WWC2: variants seen among roughly 807,000 people sequenced by gnomAD.
The protein encoded by WWC2 is protein WWC2.
A neutral mutation model predicts 138.5 loss-of-function variants in WWC2; 101 were observed. The observed-to-expected ratio is 0.73, with a 90% CI of 0.62 to 0.86. WWC2 has a LOEUF of 0.86. Among genes scored for constraint, WWC2 ranks in the 40% least tolerant of loss-of-function variants. The probability of loss-of-function intolerance (pLI) is 0.00; values close to 1 mark genes in which losing one functional copy is unlikely to be tolerated. For synonymous variants in WWC2, 558 were observed against 538.4 expected, an observed-to-expected ratio of 1.04 and a Z score of -0.50; for missense variants, 1,420 against 1,419.4, an observed-to-expected ratio of 1.00 and a Z score of -0.01.
chr4:183,099,577 T>C lies in WWC2; in HGVS notation c.86T>C (p.Ile29Thr), dbSNP rs1379089835. The C allele has an allele frequency of 7.8e-6, 11 of 1,410,826 alleles. No homozygotes were observed. The highest frequency in any genetic ancestry group is 7.3e-5 in the South Asian group (5 of 68,740). 87.4% of individuals were successfully genotyped at this position (1,410,826 alleles called of 1,614,324 possible). A position where few individuals can be genotyped will look rare whatever the true frequency, so the allele number is the denominator to read the frequency against. ...GACTACGACGGCAAGGTCTTCTACA[T>C]TGACCACAACACCAGGAGGACCAGC... ...ARDYDGKVFYIDHNTRRTSWI... is the reference protein window; with the variant it reads ...ARDYDGKVFYTDHNTRRTSWI... Residue 29 changes from isoleucine to threonine, a missense_variant, in exon 1 of 23, where the codon ATT (isoleucine) becomes ACT (threonine). Coordinates refer to ENST00000403733, the MANE Select transcript of WWC2 (RefSeq NM_024949.6).
At chr4:183,294,585 A>G (rs1181502776) in intron 21 of WWC2, among the ~76,000 whole-genome samples, 1 of 152,252 alleles carries the variant, frequency 6.6e-6, no homozygotes, top group African/African-American at 2.4e-5. Context: ...TGGCAGTAGT[A>G]TAAGTGACCA....
At chr4:183,187,742 G>A (rs889788198) in intron 1 of WWC2, among the ~76,000 whole-genome samples, 3 of 150,148 alleles carry the variant, frequency 2.0e-5, no homozygotes, top group African/African-American at 7.4e-5. Context: ...GCGTGGTAGC[G>A]CATACCTGTA....
At chr4:183,314,083 C>A (rs902613623) in intron 22 of WWC2, among the ~76,000 whole-genome samples, 2 of 151,960 alleles carry the variant, frequency 1.3e-5, no homozygotes, top group East Asian at 3.9e-4. Context: ...TGGTACCAAG[C>A]GGGAGGGCAG....
At chr4:183,247,687 CTATATACTA>C (rs1016872141) in intron 6 of WWC2, among the ~76,000 whole-genome samples, 5 of 125,788 alleles carry the variant, frequency 4.0e-5, no homozygotes, top group Admixed American at 3.2e-4. Context: ...GTACTATATT[CTATATACTA>C]TATATACTAT....
chr4:183,225,293 T>G (rs1736039273), intron 4 of WWC2, among the ~76,000 whole-genome samples: 1 of 152,216 alleles, frequency 6.6e-6, no homozygotes, highest in Non-Finnish European at 1.5e-5. Flanking sequence ...TCAATGGAAC[T>G]GAACATCCAC....
intron 21 of WWC2, among the ~76,000 whole-genome samples, chr4:183,293,682 T>C (rs1199154316): frequency 6.6e-6 from 1 of 152,158 alleles, no homozygotes; most frequent in Non-Finnish European, 1.5e-5. Flanking sequence ...ACAGGTGACA[T>C]TGCATGCATT....
Position 183,131,328 on chromosome 4 carries a change from A to G in WWC2, c.131+31706A>G, listed in dbSNP as rs1391599646. Among the ~76,000 whole-genome samples the G allele has an allele frequency of 4.6e-5, 7 of 152,150 alleles. No homozygotes were observed. In the South Asian group the frequency reaches 1.0e-3, roughly 23 times the overall value. On this transcript the variant is annotated intron_variant, in intron 1 of 22. Transcript: ENST00000403733. ...AATCTTCATGACTTTCTGTTGGGCA[A>G]AGAGTTCTTAGACATGATACCAAAG...
At chr4:183,258,531 A>G (rs2111351929) in intron 9 of WWC2, among the ~76,000 whole-genome samples, 1 of 152,354 alleles carries the variant, frequency 6.6e-6, no homozygotes, top group East Asian at 1.9e-4. Flanking sequence ...ATTTTTCTCC[A>G]AAGAAAAGTG....
At chr4:183,306,068 T>G (rs1290979039) in intron 21 of WWC2, among the ~76,000 whole-genome samples, 1 of 152,132 alleles carries the variant, frequency 6.6e-6, no homozygotes. Context: ...TGGAAGTGGA[T>G]TTGGATAGTA....
At chr4:183,248,538 G>A (rs1474006076) in intron 6 of WWC2, among the ~76,000 whole-genome samples, 176 bp from the exon 7 acceptor site, 1 of 152,088 alleles carries the variant, frequency 6.6e-6, no homozygotes, top group Non-Finnish European at 1.5e-5. Flanking sequence ...CATGTATGGA[G>A]GTGCAAAATT....
intron 1 of WWC2, among the ~76,000 whole-genome samples, chr4:183,133,899 ATATT>A (rs1425897846): frequency 6.6e-6 from 1 of 152,130 alleles, no homozygotes; most frequent in Non-Finnish European, 1.5e-5. Flanking sequence ...TGTTGGTGTA[ATATT>A]TATTTCTTGA....
At chr4:183,177,691 C>G (rs147640000) in intron 1 of WWC2, among the ~76,000 whole-genome samples, 184 of 152,056 alleles carry the variant, frequency 1.2e-3, no homozygotes, top group African/African-American at 4.2e-3. Context: ...TGAACATGGG[C>G]ATATATTTTT....
At chr4:183,200,226 AAGTGTCAGTC>A (rs557000859) in intron 2 of WWC2, among the ~76,000 whole-genome samples, 3,093 of 19,564 alleles carry the variant, frequency 0.16, 101 homozygotes, top group Middle Eastern at 0.19. Flanking sequence ...TTATTCATTT[AAGTGTCAGTC>A]AGTGTTTCGT....
intron 1 of WWC2, among the ~76,000 whole-genome samples, chr4:183,192,117 A>C (rs931641798): frequency 6.6e-6 from 1 of 152,190 alleles, no homozygotes; most frequent in Admixed American, 6.5e-5. Flanking sequence ...GTGCTGCCTG[A>C]CTTGATTCCT....
chr4:183,259,807 T>TA (rs1398949214), intron 10 of WWC2, 79 bp downstream of exon 10: 8 of 964,616 alleles, frequency 8.3e-6, no homozygotes, highest in Non-Finnish European at 1.1e-5. Flanking sequence ...CTTTTCACTT[T>TA]ATTTCCAACT....
At position 183,127,782 on chromosome 4, in the gene WWC2, A is replaced by G. The variant is rs143909293; in HGVS notation, c.131+28160A>G. Among the ~76,000 whole-genome samples, 576 of 152,318 alleles carry G rather than the reference A, an allele frequency of 3.8e-3. 2 individuals carry two copies. Among genetic ancestry groups the G allele is most frequent in the Non-Finnish European group, 6.7e-3 (459 of 68,028 alleles). On this transcript the variant is annotated intron_variant, in intron 1 of 22. Coordinates refer to ENST00000403733, the MANE Select transcript of WWC2 (RefSeq NM_024949.6). ...ATTTTTTAATTGAAAACATGAAACT[A>G]TAAAAATCCATAAAATCTAAATTGA...
In WWC2 at chr4:183,280,229, GTTTTTTTTTTTTT is replaced by G. The variant is rs869235261; in HGVS notation, c.2563-534_2563-522del. On this transcript the variant is annotated intron_variant, in intron 16 of 22. Transcript: ENST00000403733. ...TTACTATTTTAGCCTGATAGCAGCT[GTTTTTTTTTTTTT>G]TTTTTTTTTTTTGCTTTGTTTCTCA... Among the ~76,000 whole-genome samples the G allele has an allele frequency of 7.6e-5, 5 of 65,430 alleles. No individual in the cohort carries two copies. In the South Asian group the frequency reaches 2.5e-3, roughly 33 times the overall value. 42.9% of individuals were successfully genotyped at this position (65,430 alleles called of 152,430 possible).
intron 16 of WWC2, among the ~76,000 whole-genome samples, chr4:183,278,427 G>T (rs575444242): frequency 6.6e-6 from 1 of 152,218 alleles, no homozygotes; most frequent in Non-Finnish European, 1.5e-5. Flanking sequence ...CTCCAGCTTT[G>T]TTCTTTTGGC....
chr4:183,253,384 G>A (rs764461261), intron 8 of WWC2, among the ~76,000 whole-genome samples: 5 of 152,130 alleles, frequency 3.3e-5, no homozygotes, highest in Non-Finnish European at 7.3e-5. Flanking sequence ...GAACCCCCCA[G>A]GCATCTTTCC....
Sources: gnomAD v4.1 joint callset for allele counts (sites outside exome capture counted in the v4.1 genomes callset) on GRCh38, gnomAD v4.1.1 for gene constraint, MANE v1.5 for transcripts, NCBI Gene and HGNC (gene_info 2026-07-23, HGNC 2026-07-21) for gene names.